EPN1: variants seen among roughly 807,000 people sequenced by gnomAD.
EPN1 encodes epsin 1, also known as epsin-1.
EPN1 carries 25 observed loss-of-function variants against 56.9 expected under a neutral mutation model. The ratio of observed to expected loss-of-function variants is 0.44; its 90% CI spans 0.32 to 0.61. The LOEUF (loss-of-function observed/expected upper bound fraction) is 0.61, where lower values mean the gene tolerates loss of function less well. EPN1 is among the 20% of genes least tolerant of loss of function. The pLI, the probability that EPN1 is intolerant of heterozygous loss-of-function variation, is 0.05. For synonymous variants in EPN1, 411 were observed against 361.8 expected, an observed-to-expected ratio of 1.14 and a Z score of -1.54; for missense variants, 785 against 823.7, an observed-to-expected ratio of 0.95 and a Z score of 0.58.
rs1986286639 is a variant in EPN1, at chr19:55,688,115, A to G, written c.479-755A>G. Among the ~76,000 whole-genome samples the G allele has an allele frequency of 2.0e-5, 3 of 152,116 alleles. No homozygotes were observed. The South Asian group carries it at 6.2e-4, about 31-fold the overall frequency. On this transcript the variant is annotated intron_variant, in intron 3 of 10. Transcript: ENST00000270460. ...CCCTGGGGCTTTGGAGGCTGGGGCA[A>G]TGGCCCTGTGCTCGGCGGGCCTAGG...
Position 55,695,917 on chromosome 19 carries a change from G to A in EPN1, c.*561G>A, listed in dbSNP as rs1986889243. 2 of 154,784 alleles carry A rather than the reference G, an allele frequency of 1.3e-5. No individual in the cohort carries two copies. The highest frequency in any genetic ancestry group is 4.8e-5 in the African/African-American group (2 of 41,446). 9.6% of individuals were successfully genotyped at this position (154,784 alleles called of 1,614,324 possible). A position where few individuals can be genotyped will look rare whatever the true frequency, so the allele number is the denominator to read the frequency against. ...GATTTCCCTGACCCTCCCAGGTCAA[G>A]GGATGGCTGGGTTGAGGGTGGACTG... On this transcript the variant is annotated 3_prime_UTR_variant, in exon 11 of 11. Coordinates refer to ENST00000270460, the MANE Select transcript of EPN1 (RefSeq NM_001130072.2). This position sits in a 1 kb window ranked among gnomAD's most constrained non-coding sequence, Gnocchi z 4.4.
intron 2 of EPN1, 123 bp downstream of exon 2, chr19:55,678,978 ATC>A (rs1324048159): frequency 1.2e-5 from 8 of 670,070 alleles, no homozygotes; most frequent in African/African-American, 5.4e-5. Flanking sequence ...GAAGAGTAAA[ATC>A]TCTCTTTTTG....
Position 55,678,691 on chromosome 19 carries a change from A to G in EPN1, c.64A>G (p.Ile22Val). ...CGTCCACAACTACTCAGAGGCGGAG[A>G]TCAAGGTTCGAGAGGCCACGAGCAA... is the stretch of plus-strand genomic sequence containing the variant. ...NIVHNYSEAEIKVREATSNDP... is the reference protein window; with the variant it reads ...NIVHNYSEAEVKVREATSNDP... Residue 22 changes from isoleucine to valine, a missense_variant, in exon 2 of 11, where the codon ATC (isoleucine) becomes GTC (valine). Physicochemically the swap from Ile to Val is conservative, Grantham distance 29 (BLOSUM62 3). Coordinates refer to ENST00000270460, the MANE Select transcript of EPN1 (RefSeq NM_001130072.2). 1 of 1,614,108 alleles carries G rather than the reference A, an allele frequency of 6.2e-7. No individual in the cohort carries two copies. The highest frequency in any genetic ancestry group is 8.5e-7 in the Non-Finnish European group (1 of 1,179,988).
chr19:55,693,222 T>C (rs1986695810), intron 9 of EPN1, 185 bp downstream of exon 9: 1 of 562,266 alleles, frequency 1.8e-6, no homozygotes. Flanking sequence ...GCATCTTTAT[T>C]TTAGAGAAAT....
chr19:55,688,069 G>C (rs939524339), intron 3 of EPN1, among the ~76,000 whole-genome samples: 4 of 152,214 alleles, frequency 2.6e-5, no homozygotes, highest in African/African-American at 9.6e-5. Flanking sequence ...TGGGAGGGCG[G>C]GGCAGGAGAG....
At chr19:55,688,128 C>T (rs554102783) in intron 3 of EPN1, among the ~76,000 whole-genome samples, 20 of 152,220 alleles carry the variant, frequency 1.3e-4, no homozygotes, top group African/African-American at 3.4e-4. Context: ...GCCCTGTGCT[C>T]GGCGGGCCTA....
rs962432367 is a variant in EPN1, at chr19:55,703,388, A to T, written c.*8032A>T. On this transcript the variant is annotated 3_prime_UTR_variant, in exon 11 of 11. Coordinates refer to ENST00000270460, the MANE Select transcript of EPN1 (RefSeq NM_001130072.2). ...ACCCAGGCTAGAGTGCAATGGTGTG[A>T]TTTCGGCTCACTGCAACCTCTGCCT... 6.6e-6 allele frequency: 1 copy of T among 152,050 alleles called. No individual in the cohort carries two copies. Among genetic ancestry groups the T allele is most frequent in the African/African-American group, 2.4e-5 (1 of 41,348 alleles). The allele number at this position is 152,050 out of a possible 1,614,324, so 9.4% of individuals were successfully genotyped here. A position where few individuals can be genotyped will look rare whatever the true frequency, so the allele number is the denominator to read the frequency against.
Position 55,694,395 on chromosome 19 carries a change from C to CGCCCCCGCTGCCT in EPN1, c.1265-330_1265-318dup, listed in dbSNP as rs1232524677. ...CTGAGCCTGGAGGCACCTGTGAACACGCCCCCGCTGCCTTCCCCCGCGGGC... is the reference window on the plus strand; with the variant it reads ...CTGAGCCTGGAGGCACCTGTGAACACGCCCCCGCTGCCTGCCCCCGCTGCCTTCCCCCGCGGGC... On this transcript the variant is annotated intron_variant, in intron 9 of 10. Transcript: ENST00000270460. The surrounding 1 kb of genome is among the most constrained non-coding windows in gnomAD (Gnocchi z 4.2). 9.4e-5 allele frequency: 26 copies of CGCCCCCGCTGCCT among 277,096 alleles called. 1 individual carries two copies. Among genetic ancestry groups the CGCCCCCGCTGCCT allele is most frequent in the Non-Finnish European group, 3.4e-5 (5 of 149,170 alleles). 17.2% of individuals were successfully genotyped at this position (277,096 alleles called of 1,614,324 possible). A position where few individuals can be genotyped will look rare whatever the true frequency, so the allele number is the denominator to read the frequency against.
chr19:55,703,762 G>C lies in EPN1; in HGVS notation c.*8406G>C, dbSNP rs1239088180. ...ACGTAGAACAGTTGAAATGTGGCCA[G>C]CATGAGATTTTTTTAATCTTGCCAA... On this transcript the variant is annotated 3_prime_UTR_variant, in exon 11 of 11. Coordinates refer to ENST00000270460, the MANE Select transcript of EPN1 (RefSeq NM_001130072.2). 1.3e-5 allele frequency: 2 copies of C among 152,254 alleles called. No homozygotes were observed. Among genetic ancestry groups the C allele is most frequent in the Non-Finnish European group, 2.9e-5 (2 of 68,048 alleles). The allele number at this position is 152,254 out of a possible 1,614,324, so 9.4% of individuals were successfully genotyped here.
chr19:55,677,403 C>T, intron 1 of EPN1: 2 of 653,380 alleles, frequency 3.1e-6, no homozygotes, highest in East Asian at 2.7e-5. Flanking sequence ...TTGCTTGACT[C>T]TCTTGTTTCT....
Position 55,678,555 on chromosome 19 carries a change from G to A in EPN1, c.-73G>A. ...CGGTGACCTGCCAGCACCTGCCGCA[G>A]CCTTCGTCCGGGAGTCGCCCCATCT... On this transcript the variant is annotated 5_prime_UTR_variant, in exon 2 of 11. Transcript: ENST00000270460. The A allele has an allele frequency of 6.5e-7, 1 of 1,549,402 alleles. No homozygotes were observed.
Position 55,704,822 on chromosome 19 carries a change from A to T in EPN1, c.*9466A>T, listed in dbSNP as rs1987316837. ...CCGCTCCCTTCCTTCTGTAATACAGACAACAGAGACAGGAGATGGCCTGGC... is the reference window on the plus strand; with the variant it reads ...CCGCTCCCTTCCTTCTGTAATACAGTCAACAGAGACAGGAGATGGCCTGGC... On this transcript the variant is annotated 3_prime_UTR_variant, in exon 11 of 11. Transcript: ENST00000270460. 6.6e-6 allele frequency: 1 copy of T among 152,334 alleles called. No homozygotes were observed. Among genetic ancestry groups the T allele is most frequent in the Admixed American group, 6.5e-5 (1 of 15,280 alleles). The allele number at this position is 152,334 out of a possible 1,614,324, so 9.4% of individuals were successfully genotyped here. A position where few individuals can be genotyped will look rare whatever the true frequency, so the allele number is the denominator to read the frequency against.
chr19:55,678,870 C>T lies in EPN1; in HGVS notation c.228+15C>T, dbSNP rs764517753. ...ACGTTTACAAGGTCAGCATCCTGCT[C>T]TCCTCCCCGGGCAGGTGCAGGGGCT... On this transcript the variant is annotated intron_variant, in intron 2 of 10. Transcript: ENST00000270460. 4 of 1,578,176 alleles carry T rather than the reference C, an allele frequency of 2.5e-6. No homozygotes were observed. In the East Asian group the frequency reaches 6.7e-5, roughly 27 times the overall value.
rs976844490 is a variant in EPN1 at position 55,701,743 on chromosome 19, T to A, written c.*6387T>A. 6.6e-6 allele frequency: 1 copy of A among 151,402 alleles called. No homozygotes were observed. The highest frequency in any genetic ancestry group is 1.5e-5 in the Non-Finnish European group (1 of 67,886). The allele number at this position is 151,402 out of a possible 1,614,324, so 9.4% of individuals were successfully genotyped here. A position where few individuals can be genotyped will look rare whatever the true frequency, so the allele number is the denominator to read the frequency against. Reference sequence around the variant, plus strand: ...ATCAAGGATGTGGATGCACACAGAGTGAGATTTGGAGCAGGAGTTTAATAG... The same window carrying A: ...ATCAAGGATGTGGATGCACACAGAGAGAGATTTGGAGCAGGAGTTTAATAG... On this transcript the variant is annotated 3_prime_UTR_variant, in exon 11 of 11. Coordinates refer to ENST00000270460, the MANE Select transcript of EPN1 (RefSeq NM_001130072.2).
At position 55,693,164 on chromosome 19, in the gene EPN1, G is replaced by A. The variant is rs148315530; in HGVS notation, c.1264+127G>A. On this transcript the variant is annotated intron_variant, in intron 9 of 10. Coordinates refer to ENST00000270460, the MANE Select transcript of EPN1 (RefSeq NM_001130072.2). ...GCTGGACTTAGGGATGAAAAGTTCA[G>A]TTGGGTAGAGTGGGCCAGAACCATC... The A allele has an allele frequency of 3.7e-4, 296 of 793,846 alleles. No individual in the cohort carries two copies. The African/African-American group carries it at 4.7e-3, about 13-fold the overall frequency. The allele number at this position is 793,846 out of a possible 1,614,324, so 49.2% of individuals were successfully genotyped here.
chr19:55,708,960 A>T lies in EPN1; in HGVS notation c.*13604A>T. The T allele has an allele frequency of 6.3e-7, 1 of 1,588,980 alleles. No individual in the cohort carries two copies. Among genetic ancestry groups the T allele is most frequent in the South Asian group, 1.2e-5 (1 of 85,710 alleles). On this transcript the variant is annotated 3_prime_UTR_variant, in exon 11 of 11. Transcript: ENST00000270460. Reference sequence around the variant, plus strand: ...TGTATTCCTCGTCAATCCAAGGTCCATGTGAAATGGTCAGATGGGGAATTT... The same window carrying T: ...TGTATTCCTCGTCAATCCAAGGTCCTTGTGAAATGGTCAGATGGGGAATTT...
intron 2 of EPN1, among the ~76,000 whole-genome samples, chr19:55,679,441 TCCCTCTGTGAGGGC>T (rs1320639703): frequency 6.6e-6 from 1 of 152,142 alleles, no homozygotes; most frequent in Non-Finnish European, 1.5e-5. Flanking sequence ...TCCCTGAATC[TCCCTCTGTGAGGGC>T]CCATGGAGCC....
At chr19:55,680,565 GGT>G (rs1985744950) in intron 2 of EPN1, 2 of 152,388 alleles carry the variant, frequency 1.3e-5, no homozygotes, top group Non-Finnish European at 2.9e-5. Context: ...AACCTGCTTT[GGT>G]TGCTGCTTGT....
intron 3 of EPN1, among the ~76,000 whole-genome samples, chr19:55,687,304 G>C (rs1013638526): frequency 6.6e-6 from 1 of 152,068 alleles, no homozygotes; most frequent in African/African-American, 2.4e-5. Flanking sequence ...AGGAGGATGG[G>C]GGCAGCTAGG....
Sources: allele counts gnomAD v4.1 joint callset (sites outside exome capture counted in the v4.1 genomes callset), GRCh38; gene constraint gnomAD v4.1.1; non-coding constraint Gnocchi (gnomAD v3.1); transcripts MANE v1.5; gene names NCBI Gene and HGNC (gene_info 2026-07-23, HGNC 2026-07-21).